Variants in PPP4R4 observed in about 807,000 individuals in gnomAD.
PPP4R4 encodes serine/threonine-protein phosphatase 4 regulatory subunit 4.
In PPP4R4, 70 loss-of-function variants were observed where a neutral mutation model predicts 121.8. The observed-to-expected ratio is 0.57, with a 90% CI of 0.47 to 0.70. PPP4R4 has a LOEUF of 0.70. Among genes scored for constraint, PPP4R4 ranks in the 30% least tolerant of loss-of-function variants. The probability of loss-of-function intolerance (pLI) is 0.00; values close to 1 mark genes in which losing one functional copy is unlikely to be tolerated. For synonymous variants in PPP4R4, 348 were observed against 355.7 expected (o/e 0.98, Z 0.24); for missense variants, 875 against 1,033.6 (o/e 0.85, Z 2.10).
At chr14:94,187,590 A>C (rs923009990) in intron 2 of PPP4R4, among the ~76,000 whole-genome samples, 1 of 151,852 alleles carries the variant, frequency 6.6e-6, no homozygotes, top group Non-Finnish European at 1.5e-5. Context: ...ATCACTCCAA[A>C]CTAAACTTCA....
chr14:94,274,645 G>A (rs962047032), intron 23 of PPP4R4, among the ~76,000 whole-genome samples: 2 of 152,146 alleles, frequency 1.3e-5, no homozygotes, highest in Non-Finnish European at 2.9e-5. Context: ...GTGTGTGTGA[G>A]GATGTGGAGT....
chr14:94,226,534 G>A (rs533915499), intron 3 of PPP4R4, among the ~76,000 whole-genome samples: 51 of 152,166 alleles, frequency 3.4e-4, no homozygotes, highest in Non-Finnish European at 5.6e-4. Context: ...ATCATTAAAG[G>A]TATCTTAGAA....
At chr14:94,261,494 G>A (rs909100421) in intron 19 of PPP4R4, among the ~76,000 whole-genome samples, 8 of 151,774 alleles carry the variant, frequency 5.3e-5, no homozygotes, top group South Asian at 2.1e-4. Context: ...AATTTTATAC[G>A]TAAGTGATCA....
intron 24 of PPP4R4, among the ~76,000 whole-genome samples, chr14:94,278,229 A>G (rs944963970): frequency 2.0e-4 from 30 of 152,322 alleles, no homozygotes; most frequent in African/African-American, 7.2e-4. Context: ...GTATTTAGGA[A>G]TATTAGTGTC....
chr14:94,256,502 G>A lies in PPP4R4; in HGVS notation c.1908G>A (p.Leu636=). The A allele has an allele frequency of 6.2e-7, 1 of 1,603,890 alleles. No individual in the cohort carries two copies. Among genetic ancestry groups the A allele is most frequent in the South Asian group, 1.1e-5 (1 of 90,452 alleles). ...CYLLPKVKST[L]KIPADKHLLQ... The stretch of plus-strand genomic sequence containing the variant: ...TGTTGCCCAAAGTGAAATCTACTCT[G>A]AAGATTCCTGCTGATAAGCATCTAC... Residue 636 remains leucine, a synonymous_variant, in exon 17 of 25, where the codon CTG becomes CTA. Coordinates refer to ENST00000304338, the MANE Select transcript of PPP4R4 (RefSeq NM_058237.2).
At position 94,265,842 on chromosome 14, in the gene PPP4R4, A is replaced by G; in HGVS notation, c.2333A>G (p.Asn778Ser). Residue 778 changes from asparagine to serine, a missense_variant, in exon 22 of 25, where the codon AAT becomes AGT. Asn to Ser is a conservative substitution (Grantham distance 46). Coordinates refer to ENST00000304338, the MANE Select transcript of PPP4R4 (RefSeq NM_058237.2). ...CTGATTCGAAGCCAGTCTTTTAATA[A>G]TCAAGCTTTTCATGCAAAATATGGC... The part of the protein sequence containing the change: ...SKLIRSQSFN[N>S]QAFHAKYGNL... 6.2e-7 allele frequency: 1 copy of G among 1,610,196 alleles called. No homozygotes were observed. Among genetic ancestry groups the G allele is most frequent in the Non-Finnish European group, 8.5e-7 (1 of 1,177,358 alleles).
Position 94,264,951 on chromosome 14 carries a change from A to G in PPP4R4, c.2197+4A>G. 1.3e-6 allele frequency: 2 copies of G among 1,583,674 alleles called. No homozygotes were observed. Among genetic ancestry groups the G allele is most frequent in the Non-Finnish European group, 1.7e-6 (2 of 1,164,636 alleles). ...GATAAAATGTTTGAAAAGAAACGTA[A>G]GTAGTTTTTCTATGTCTTCAACACT... On this transcript the variant is annotated splice_donor_region_variant and intron_variant, in intron 20 of 24. Coordinates refer to ENST00000304338, the MANE Select transcript of PPP4R4 (RefSeq NM_058237.2).
chr14:94,175,998 G>C (rs1043169719), intron 1 of PPP4R4, 56 bp from the exon 2 acceptor site: 25 of 1,385,752 alleles, frequency 1.8e-5, no homozygotes, highest in Non-Finnish European at 2.5e-5. Flanking sequence ...GGGAGGTTGG[G>C]GGGCAAGACT....
At chr14:94,198,687 AT>A (rs1244910499) in intron 2 of PPP4R4, among the ~76,000 whole-genome samples, 10 of 152,282 alleles carry the variant, frequency 6.6e-5, no homozygotes, top group East Asian at 1.9e-4. Context: ...TCCACTTTGA[AT>A]TAAATTCTGT....
chr14:94,256,522 A>G lies in PPP4R4; in HGVS notation c.1928A>G (p.His643Arg), dbSNP rs753794639. 8 of 1,602,808 alleles carry G rather than the reference A, an allele frequency of 5.0e-6. No individual in the cohort carries two copies. Among genetic ancestry groups the G allele is most frequent in the Non-Finnish European group, 6.8e-6 (8 of 1,170,474 alleles). ...KSTLKIPADK[H>R]LLQQLEMCVR... is the part of the protein sequence containing the mutation. ...ACTCTGAAGATTCCTGCTGATAAGC[A>G]TCTACTTCAGCAGTTAGAAATGTGT... Residue 643 changes from histidine (H) to arginine (R), a missense_variant, in exon 17 of 25, where the codon CAT becomes CGT. Coordinates refer to ENST00000304338, the MANE Select transcript of PPP4R4 (RefSeq NM_058237.2).
intron 2 of PPP4R4, among the ~76,000 whole-genome samples, chr14:94,194,061 G>A (rs1315049268): frequency 6.6e-6 from 1 of 151,848 alleles, no homozygotes; most frequent in Non-Finnish European, 1.5e-5. Flanking sequence ...ATACTTCAGT[G>A]GATTGACTTG....
At chr14:94,241,636 A>G (rs1892641188) in intron 9 of PPP4R4, 152 bp from the exon 10 acceptor site, 1 of 598,816 alleles carries the variant, frequency 1.7e-6, no homozygotes, top group Admixed American at 3.7e-5. Flanking sequence ...TTCCTAACAG[A>G]TACTCTTTTC....
At chr14:94,196,382 G>C (rs1483489099) in intron 2 of PPP4R4, among the ~76,000 whole-genome samples, 1 of 123,286 alleles carries the variant, frequency 8.1e-6, no homozygotes, top group African/African-American at 3.0e-5. Context: ...GCACAATCTT[G>C]GCTCACTGCA....
At chr14:94,202,853 C>T (rs111264500) in intron 2 of PPP4R4, among the ~76,000 whole-genome samples, 1 of 151,780 alleles carries the variant, frequency 6.6e-6, no homozygotes, top group East Asian at 1.9e-4. Flanking sequence ...CGTGGTGGCA[C>T]GTGCCTGTAA....
At chr14:94,266,849 A>G (rs914387913) in intron 22 of PPP4R4, 110 bp from the exon 23 acceptor site, 4 of 706,050 alleles carry the variant, frequency 5.7e-6, no homozygotes, top group African/African-American at 3.7e-5. Context: ...CAAACGTTTC[A>G]TAAGTAGAGG....
intron 23 of PPP4R4, among the ~76,000 whole-genome samples, chr14:94,270,397 T>C (rs1894261836): frequency 6.6e-6 from 1 of 152,208 alleles, no homozygotes; most frequent in Non-Finnish European, 1.5e-5. Flanking sequence ...AAAATCTGTA[T>C]TGAAATGCAA....
At chr14:94,266,533 A>C (rs968893620) in intron 22 of PPP4R4, among the ~76,000 whole-genome samples, 24 of 152,150 alleles carry the variant, frequency 1.6e-4, no homozygotes, top group Non-Finnish European at 3.1e-4. Flanking sequence ...TACATGTTTC[A>C]GGAAAAAGTA....
At chr14:94,229,863 C>T (rs1021789622) in intron 3 of PPP4R4, among the ~76,000 whole-genome samples, 1 of 152,176 alleles carries the variant, frequency 6.6e-6, no homozygotes, top group Non-Finnish European at 1.5e-5. Context: ...CTATCTCTCT[C>T]TCTCATAGAG....
Position 94,278,812 on chromosome 14 carries a change from C to A in PPP4R4, c.*169C>A. On this transcript the variant is annotated 3_prime_UTR_variant, in exon 25 of 25. Transcript: ENST00000304338. Reference sequence around the variant, plus strand: ...TAATGACAGCTGATGTTAAACTTTTCATATTTCAAATTAGATTCCCTAGGA... The same window carrying A: ...TAATGACAGCTGATGTTAAACTTTTAATATTTCAAATTAGATTCCCTAGGA... The A allele has an allele frequency of 2.0e-6, 1 of 488,300 alleles. No homozygotes were observed. The highest frequency in any genetic ancestry group is 5.4e-5 in the South Asian group (1 of 18,466). The allele number at this position is 488,300 out of a possible 1,614,324, so 30.2% of individuals were successfully genotyped here. A position where few individuals can be genotyped will look rare whatever the true frequency, so the allele number is the denominator to read the frequency against.
Sources: allele counts gnomAD v4.1 joint callset (sites outside exome capture counted in the v4.1 genomes callset), GRCh38; gene constraint gnomAD v4.1.1; transcripts MANE v1.5; gene names NCBI Gene and HGNC (gene_info 2026-07-23, HGNC 2026-07-21).